The following NEBL variants were observed in gnomAD, a reference collection of about 807,000 sequenced individuals.
NEBL encodes the protein LIM and SH3 protein 2.
NEBL carries 122 observed loss-of-function variants against 140.2 expected under a neutral mutation model. The ratio of observed to expected loss-of-function variants is 0.87; its 90% CI spans 0.75 to 1.01. The LOEUF is 1.01. Ranked by LOEUF, NEBL falls within the 50% of genes least tolerant of loss-of-function variation. The pLI is 0.00. For synonymous variants in NEBL, 436 were observed against 398.9 expected (o/e 1.09, Z -1.11); for missense variants, 1,365 against 1,231.3 (o/e 1.11, Z -1.62).
At position 20,837,981 on chromosome 10, in the gene NEBL, A is replaced by G. The variant is rs147468667; in HGVS notation, c.1339-2358T>C. 8.1e-4 allele frequency among the ~76,000 whole-genome samples: 123 copies of G among 152,316 alleles called. No homozygotes were observed. In the East Asian group the frequency reaches 0.024, roughly 29 times the overall value. On this transcript the variant is annotated intron_variant, in intron 13 of 27. Transcript: ENST00000377122. ...TTGAAAATATTAATGTTCAGTTACA[A>G]TGCACCTGGTCACCAAACAGTTCTG... is the stretch of plus-strand genomic sequence containing the variant.
At chr10:21,209,462 C>T (rs1258307936) in intron 3 of NEBL, among the ~76,000 whole-genome samples, 2 of 151,838 alleles carry the variant, frequency 1.3e-5, no homozygotes, top group East Asian at 3.9e-4. Context: ...GATACATTGC[C>T]CCTCTGAAAA....
At chr10:21,102,446 C>A (rs1837519537) in intron 2 of NEBL, among the ~76,000 whole-genome samples, 1 of 152,172 alleles carries the variant, frequency 6.6e-6, no homozygotes, top group African/African-American at 2.4e-5. Context: ...TAACCCAAAC[C>A]CAGGGAACCA....
chr10:20,941,750 C>G (rs1208178087), intron 4 of NEBL, among the ~76,000 whole-genome samples: 3 of 152,076 alleles, frequency 2.0e-5, no homozygotes, highest in African/African-American at 4.8e-5. Context: ...TCTCAGGATA[C>G]AAAATCAATG....
At chr10:20,821,001 T>C (rs562784201) in intron 19 of NEBL, among the ~76,000 whole-genome samples, 1 of 152,278 alleles carries the variant, frequency 6.6e-6, no homozygotes, top group South Asian at 2.1e-4. Context: ...CTGTGTGCCA[T>C]GGTATGTAGT....
chr10:20,835,245 A>T (rs1374591504), intron 14 of NEBL, among the ~76,000 whole-genome samples: 1 of 152,216 alleles, frequency 6.6e-6, no homozygotes, highest in East Asian at 1.9e-4. Context: ...GTATTCTGAA[A>T]TAAGGTGTGC....
At chr10:20,853,346 C>G (rs1842729111) in intron 9 of NEBL, among the ~76,000 whole-genome samples, 1 of 152,052 alleles carries the variant, frequency 6.6e-6, no homozygotes. Context: ...CCAAGTTTGG[C>G]CACTGAAAGA....
intron 2 of NEBL, among the ~76,000 whole-genome samples, chr10:21,129,218 T>C (rs1481261010): frequency 6.6e-6 from 1 of 152,110 alleles, no homozygotes; most frequent in African/African-American, 2.4e-5. Flanking sequence ...AGAAAGAAAG[T>C]ACATTTTTTT....
intron 26 of NEBL, among the ~76,000 whole-genome samples, chr10:20,801,846 A>G (rs1436669441): frequency 6.6e-6 from 1 of 152,202 alleles, no homozygotes; most frequent in Non-Finnish European, 1.5e-5. Context: ...AAACGCCGGA[A>G]GCATAGCCTG....
chr10:21,219,360 C>G (rs1333272829), intron 3 of NEBL, among the ~76,000 whole-genome samples: 2 of 152,180 alleles, frequency 1.3e-5, no homozygotes, highest in Non-Finnish European at 1.5e-5. Context: ...GAGGCTAAAA[C>G]CAACCTATTG....
At chr10:21,262,109 A>T (rs1842746028) in intron 1 of NEBL, among the ~76,000 whole-genome samples, 1 of 152,192 alleles carries the variant, frequency 6.6e-6, no homozygotes, top group African/African-American at 2.4e-5. Flanking sequence ...ATCCTGGCAC[A>T]CACGCCTGGT....
intron 4 of NEBL, among the ~76,000 whole-genome samples, chr10:20,943,590 AAT>A (rs1230161820): frequency 6.6e-6 from 1 of 152,154 alleles, no homozygotes; most frequent in Non-Finnish European, 1.5e-5. Context: ...AAAGTATAAT[AAT>A]AAAAAAAAAA....
At chr10:20,998,241 C>A (rs1160123794) in intron 3 of NEBL, among the ~76,000 whole-genome samples, 1 of 152,072 alleles carries the variant, frequency 6.6e-6, no homozygotes, top group Non-Finnish European at 1.5e-5. Flanking sequence ...TAGCAAGGAC[C>A]CTGAGTAGCC....
chr10:20,989,517 T>C lies in NEBL; in HGVS notation c.250-27738A>G, dbSNP rs144755790. Among the ~76,000 whole-genome samples the C allele has an allele frequency of 1.8e-4, 27 of 152,294 alleles. No homozygotes were observed. The East Asian group carries it at 5.0e-3, about 28-fold the overall frequency. ...TTTTTTTAGAATGCAGTAATTTATA[T>C]GGATGAATAAACAACCAAAAGAAAC... On this transcript the variant is annotated intron_variant, in intron 3 of 6. Coordinates refer to the NEBL transcript ENST00000417816.
At chr10:20,931,328 G>A (rs1209322025) in intron 4 of NEBL, among the ~76,000 whole-genome samples, 1 of 152,102 alleles carries the variant, frequency 6.6e-6, no homozygotes, top group Non-Finnish European at 1.5e-5. Context: ...AATCAACTCT[G>A]TTTATTCTTG....
chr10:20,926,890 GCT>G (rs1458478850), intron 4 of NEBL, among the ~76,000 whole-genome samples: 5 of 152,194 alleles, frequency 3.3e-5, no homozygotes, highest in Non-Finnish European at 7.3e-5. Context: ...CTAAGCACAA[GCT>G]CTCAGCTAAG....
At position 21,045,897 on chromosome 10, in the gene NEBL, G is replaced by C. The variant is rs779289410; in HGVS notation, c.165-25696C>G. Reference sequence around the variant, plus strand: ...TATCCAAAGGAACTGAAAACAGTATGTCAAAAAGATACCTGCAATCGCATG... The same window carrying C: ...TATCCAAAGGAACTGAAAACAGTATCTCAAAAAGATACCTGCAATCGCATG... On this transcript the variant is annotated intron_variant, in intron 2 of 6. Transcript: ENST00000417816. Among the ~76,000 whole-genome samples the C allele has an allele frequency of 2.8e-4, 43 of 152,274 alleles. No homozygotes were observed. In the Middle Eastern group the frequency reaches 0.01, roughly 36 times the overall value.
At chr10:21,050,792 G>A (rs1564493341) in intron 2 of NEBL, among the ~76,000 whole-genome samples, 1 of 152,196 alleles carries the variant, frequency 6.6e-6, no homozygotes, top group Non-Finnish European at 1.5e-5. Context: ...GTGATGTGGT[G>A]TCTCATCCTA....
At chr10:20,806,276 T>C (rs1837609812) in intron 26 of NEBL, among the ~76,000 whole-genome samples, 1 of 151,140 alleles carries the variant, frequency 6.6e-6, no homozygotes, top group Non-Finnish European at 1.5e-5. Context: ...GAATTCCTGA[T>C]CTCTACACAG....
intron 3 of NEBL, among the ~76,000 whole-genome samples, chr10:21,004,876 C>T (rs1466212063): frequency 6.6e-6 from 1 of 152,196 alleles, no homozygotes; most frequent in Non-Finnish European, 1.5e-5. Flanking sequence ...TGGAGAAACA[C>T]TGACTCACAG....
Sources: allele counts gnomAD v4.1 joint callset (sites outside exome capture counted in the v4.1 genomes callset), GRCh38; gene constraint gnomAD v4.1.1; transcripts MANE v1.5; gene names NCBI Gene and HGNC (gene_info 2026-07-23, HGNC 2026-07-21).